The following COL25A1 variants were observed in gnomAD, a reference collection of about 807,000 sequenced individuals.
COL25A1 encodes collagen alpha-1(XXV) chain.
In COL25A1, 103 loss-of-function variants were observed where a neutral mutation model predicts 128.4. That is an observed-to-expected ratio of 0.80 (90% CI 0.68 to 0.94). COL25A1 has a LOEUF of 0.94. Among genes scored for constraint, COL25A1 ranks in the 40% least tolerant of loss-of-function variants. COL25A1 has a pLI of 0.00. For missense variants in COL25A1, 745 were observed against 840.0 expected (o/e 0.89, Z 1.40); for synonymous variants, 279 against 277.2 (o/e 1.01, Z -0.06).
chr4:109,271,867 T>C (rs1033898384), intron 3 of COL25A1, among the ~76,000 whole-genome samples: 58 of 152,220 alleles, frequency 3.8e-4, no homozygotes, highest in Non-Finnish European at 7.8e-4. Context: ...ATTCTAACAA[T>C]GTTTTTATTG....
intron 5 of COL25A1, among the ~76,000 whole-genome samples, chr4:109,014,913 C>G (rs1757074329): frequency 4.6e-5 from 7 of 152,234 alleles, no homozygotes; most frequent in Admixed American, 3.3e-4. Context: ...GATTCCAGGA[C>G]TGCCTATACC....
At chr4:109,171,172 C>T (rs1186329214) in intron 3 of COL25A1, among the ~76,000 whole-genome samples, 1 of 152,114 alleles carries the variant, frequency 6.6e-6, no homozygotes, top group Non-Finnish European at 1.5e-5. Context: ...AAGGAGGCAT[C>T]CCAGAGGCTC....
chr4:109,135,203 C>G (rs1769612411), intron 3 of COL25A1, among the ~76,000 whole-genome samples: 1 of 151,812 alleles, frequency 6.6e-6, no homozygotes, highest in Non-Finnish European at 1.5e-5. Context: ...GCCAGATGTT[C>G]CATGAAGATA....
At chr4:109,006,347 G>C (rs1018065262) in intron 6 of COL25A1, among the ~76,000 whole-genome samples, 16 of 143,166 alleles carry the variant, frequency 1.1e-4, no homozygotes, top group South Asian at 2.3e-4. Flanking sequence ...TAGTAGCTAG[G>C]GTTATAGGTG....
intron 13 of COL25A1, among the ~76,000 whole-genome samples, chr4:108,911,324 G>A (rs1487684010): frequency 2.0e-5 from 3 of 152,142 alleles, no homozygotes; most frequent in Non-Finnish European, 2.9e-5. Context: ...TGTTTACACT[G>A]GGAACCTCAC....
At chr4:108,997,094 A>C (rs1023836225) in intron 6 of COL25A1, among the ~76,000 whole-genome samples, 3 of 152,192 alleles carry the variant, frequency 2.0e-5, no homozygotes, top group African/African-American at 7.2e-5. Flanking sequence ...AACAAATTCA[A>C]AGGCTACCAG....
chr4:109,065,545 C>CGCGCGCGCGT lies in COL25A1; in HGVS notation c.368-15367_368-15366insACGCGCGCGC, dbSNP rs771855567. ...TTTTGGTGCAGCACGCGCGCGCGCG[C>CGCGCGCGCGT]GTGTGTGTGTGTGTGTGTGTGTGTG... is the stretch of plus-strand genomic sequence containing the variant. On this transcript the variant is annotated intron_variant, in intron 3 of 37. Transcript: ENST00000399132. Among the ~76,000 whole-genome samples, 421 of 141,178 alleles carry CGCGCGCGCGT rather than the reference C, an allele frequency of 3.0e-3. 3 individuals carry two copies. The highest frequency in any genetic ancestry group is 9.8e-3 in the African/African-American group (371 of 37,684). The allele number at this position is 141,178 out of a possible 152,430, so 92.6% of individuals were successfully genotyped here. A position where few individuals can be genotyped will look rare whatever the true frequency, so the allele number is the denominator to read the frequency against.
chr4:109,005,341 A>G (rs528108580), intron 6 of COL25A1, among the ~76,000 whole-genome samples: 74 of 152,260 alleles, frequency 4.9e-4, no homozygotes, highest in Non-Finnish European at 2.2e-4. Context: ...CTATGATCCA[A>G]TCACCTCCCA....
intron 31 of COL25A1, among the ~76,000 whole-genome samples, chr4:108,839,228 T>G (rs984286177): frequency 1.3e-5 from 2 of 152,166 alleles, no homozygotes; most frequent in African/African-American, 4.8e-5. Context: ...GAAATGGGTA[T>G]CTTTAATAAG....
At chr4:108,941,920 T>C (rs1264800111) in intron 8 of COL25A1, among the ~76,000 whole-genome samples, 2 of 152,186 alleles carry the variant, frequency 1.3e-5, no homozygotes, top group Non-Finnish European at 2.9e-5. Context: ...TTACAGAGCA[T>C]TAGAATGCTT....
chr4:108,830,278 C>T (rs540242366), intron 32 of COL25A1, among the ~76,000 whole-genome samples: 96 of 152,292 alleles, frequency 6.3e-4, no homozygotes, highest in African/African-American at 2.0e-3. Context: ...TAGGGAGGAT[C>T]AGATGCTTGC....
At chr4:109,161,704 C>A (rs1181701874) in intron 3 of COL25A1, among the ~76,000 whole-genome samples, 1 of 152,092 alleles carries the variant, frequency 6.6e-6, no homozygotes, top group East Asian at 1.9e-4. Context: ...TTTTCTTAAA[C>A]AATTCAGAAA....
chr4:109,183,025 G>A (rs778762468), intron 3 of COL25A1, among the ~76,000 whole-genome samples: 5 of 151,690 alleles, frequency 3.3e-5, no homozygotes, highest in Admixed American at 6.6e-5. Context: ...TCTTTTTACC[G>A]AGGCATCAGA....
intron 3 of COL25A1, among the ~76,000 whole-genome samples, chr4:109,230,037 TAAACAAC>T (rs1779060845): frequency 6.6e-6 from 1 of 151,954 alleles, no homozygotes; most frequent in Non-Finnish European, 1.5e-5. Flanking sequence ...CACACACTTT[TAAACAAC>T]CATACTTCGT....
At position 108,918,154 on chromosome 4, in the gene COL25A1, A is replaced by G. The variant is rs376998347; in HGVS notation, c.780+18T>C. On this transcript the variant is annotated intron_variant, in intron 13 of 37. Coordinates refer to ENST00000399132, the MANE Select transcript of COL25A1 (RefSeq NM_198721.4). ...CTCACCAAATTATTTTTAAAATACAATATTCTATAGAACTCACCTTTTGCC... is the reference window on the plus strand; with the variant it reads ...CTCACCAAATTATTTTTAAAATACAGTATTCTATAGAACTCACCTTTTGCC... 8.8e-5 allele frequency: 135 copies of G among 1,531,776 alleles called. No homozygotes were observed. Among genetic ancestry groups the G allele is most frequent in the Non-Finnish European group, 1.2e-4 (132 of 1,123,326 alleles). The allele number at this position is 1,531,776 out of a possible 1,614,324, so 94.9% of individuals were successfully genotyped here. A position where few individuals can be genotyped will look rare whatever the true frequency, so the allele number is the denominator to read the frequency against.
At chr4:108,931,209 T>A (rs1317929990) in intron 11 of COL25A1, among the ~76,000 whole-genome samples, 2 of 152,208 alleles carry the variant, frequency 1.3e-5, no homozygotes, top group Non-Finnish European at 2.9e-5. Flanking sequence ...AACAGATACA[T>A]ATAATATGCA....
chr4:108,830,560 G>C (rs1732971891), intron 32 of COL25A1, among the ~76,000 whole-genome samples: 1 of 152,232 alleles, frequency 6.6e-6, no homozygotes, highest in African/African-American at 2.4e-5. Flanking sequence ...GGCACTTGGA[G>C]AGTACTGATA....
At position 109,195,639 on chromosome 4, in the gene COL25A1, A is replaced by C. The variant is rs138937226; in HGVS notation, c.367+104944T>G. Among the ~76,000 whole-genome samples, 1,083 of 152,230 alleles carry C rather than the reference A, an allele frequency of 7.1e-3. 16 individuals carry two copies. The highest frequency in any genetic ancestry group is 0.024 in the African/African-American group (997 of 41,550). On this transcript the variant is annotated intron_variant, in intron 3 of 37. Coordinates refer to ENST00000399132, the MANE Select transcript of COL25A1 (RefSeq NM_198721.4). ...TAGACTCACCGAAGTAAAGTCCACAACTCAGCCCTAAGACCTTACTAAAAT... is the reference window on the plus strand; with the variant it reads ...TAGACTCACCGAAGTAAAGTCCACACCTCAGCCCTAAGACCTTACTAAAAT...
At chr4:109,147,972 C>G (rs1163411607) in intron 3 of COL25A1, among the ~76,000 whole-genome samples, 4 of 152,088 alleles carry the variant, frequency 2.6e-5, no homozygotes, top group South Asian at 2.1e-4. Context: ...GATCGCTGAG[C>G]TAAGAGTTCA....
Sources: gnomAD v4.1 joint callset for allele counts (sites outside exome capture counted in the v4.1 genomes callset) on GRCh38, gnomAD v4.1.1 for gene constraint, MANE v1.5 for transcripts, NCBI Gene and HGNC (gene_info 2026-07-23, HGNC 2026-07-21) for gene names.